SCAPER: variants seen among roughly 807,000 people sequenced by gnomAD.
SCAPER encodes S phase cyclin A-associated protein in the endoplasmic reticulum.
A neutral mutation model predicts 182.2 loss-of-function variants in SCAPER; 98 were observed. That is an observed-to-expected ratio of 0.54 (90% CI 0.46 to 0.64). The LOEUF (loss-of-function observed/expected upper bound fraction) is 0.64, where lower values mean the gene tolerates loss of function less well. SCAPER is among the 30% of genes least tolerant of loss of function. The pLI, the probability that SCAPER is intolerant of heterozygous loss-of-function variation, is 0.00. For missense variants in SCAPER, 1,432 were observed against 1,690.0 expected (o/e 0.85, Z 2.68); for synonymous variants, 605 against 564.6 (o/e 1.07, Z -1.01).
chr15:76,518,899 C>T (rs2042640438), intron 23 of SCAPER, among the ~76,000 whole-genome samples: 1 of 152,168 alleles, frequency 6.6e-6, no homozygotes, highest in African/African-American at 2.4e-5. Flanking sequence ...CTTGATTTTG[C>T]TAAAGCAAAT....
At chr15:76,865,764 T>G (rs16968551) in intron 2 of SCAPER, among the ~76,000 whole-genome samples, 1,807 of 152,318 alleles carry the variant, frequency 0.012, 24 homozygotes, top group African/African-American at 0.04. Flanking sequence ...TTCTCTGTGA[T>G]GAGAGTCTAA....
chr15:76,719,737 C>A (rs1050573292), intron 17 of SCAPER, among the ~76,000 whole-genome samples: 9 of 151,622 alleles, frequency 5.9e-5, no homozygotes, highest in South Asian at 2.1e-4. Flanking sequence ...ATTGTGGAAC[C>A]CATTCCTTAT....
At chr15:76,350,386 G>GTGTGTT in intron 31 of SCAPER, 1 of 151,482 alleles carries the variant, frequency 6.6e-6, no homozygotes, top group African/African-American at 2.4e-5. Context: ...GTGTGTGTGT[G>GTGTGTT]TGTGTGTGTG....
At chr15:76,491,922 G>A (rs993286160) in intron 24 of SCAPER, among the ~76,000 whole-genome samples, 12 of 152,140 alleles carry the variant, frequency 7.9e-5, no homozygotes, top group Middle Eastern at 3.2e-3. Flanking sequence ...GTTAGCCACC[G>A]TGCCTGGCTT....
chr15:76,896,081 A>C (rs1263370902), intron 1 of SCAPER, among the ~76,000 whole-genome samples: 1 of 151,562 alleles, frequency 6.6e-6, no homozygotes, highest in Non-Finnish European at 1.5e-5. Context: ...CATAAAAGAC[A>C]ATAAAAGGCT....
At chr15:76,590,573 CTA>C (rs2049031494) in intron 22 of SCAPER, among the ~76,000 whole-genome samples, 2 of 152,036 alleles carry the variant, frequency 1.3e-5, no homozygotes, top group Admixed American at 1.3e-4. Context: ...AAGGGAATGC[CTA>C]TATAATGTTG....
At chr15:76,654,663 C>T (rs1165257800) in intron 21 of SCAPER, among the ~76,000 whole-genome samples, 1 of 152,170 alleles carries the variant, frequency 6.6e-6, no homozygotes, top group African/African-American at 2.4e-5. Context: ...AAGACATTTG[C>T]AGAAATCTGG....
intron 21 of SCAPER, among the ~76,000 whole-genome samples, chr15:76,655,058 A>C (rs1020776868): frequency 2.0e-5 from 3 of 152,238 alleles, no homozygotes; most frequent in African/African-American, 7.2e-5. Context: ...AACCAGGCTG[A>C]AATGACAGAC....
At chr15:76,431,676 C>CAATAAAAAAAAAAAAA (rs2046868738) in intron 26 of SCAPER, among the ~76,000 whole-genome samples, 1 of 47,128 alleles carries the variant, frequency 2.1e-5, no homozygotes, top group African/African-American at 9.8e-5. Context: ...AAATGATTAG[C>CAATAAAAAAAAAAAAA]AAAAAAAAAA....
chr15:76,403,117 G>A (rs1470455967), intron 27 of SCAPER, among the ~76,000 whole-genome samples: 1 of 152,236 alleles, frequency 6.6e-6, no homozygotes, highest in East Asian at 1.9e-4. Flanking sequence ...GAGAGGGTCA[G>A]CACAGGTCTC....
At chr15:76,466,419 CTTTTTTT>C in intron 25 of SCAPER, among the ~76,000 whole-genome samples, 3,708 of 37,588 alleles carry the variant, frequency 0.099, 167 homozygotes, top group African/African-American at 0.23. Context: ...GTTGGTTCTT[CTTTTTTT>C]TTTTTTTTTT....
At chr15:76,799,834 C>T (rs527320784) in intron 7 of SCAPER, among the ~76,000 whole-genome samples, 2 of 152,252 alleles carry the variant, frequency 1.3e-5, no homozygotes, top group African/African-American at 2.4e-5. Context: ...ATGGAGCTCA[C>T]ACAAATGAAA....
chr15:76,501,466 G>C lies in SCAPER; in HGVS notation c.2954+3393C>G, dbSNP rs974153463. Among the ~76,000 whole-genome samples the C allele has an allele frequency of 2.6e-5, 4 of 152,086 alleles. No homozygotes were observed. The East Asian group carries it at 7.7e-4, about 29-fold the overall frequency. ...ATGTGAAGTAAAAAGATATGAACAG[G>C]ATGGTAAGAAAAGAGGACAGGAAGC... On this transcript the variant is annotated intron_variant, in intron 24 of 31. Coordinates refer to ENST00000563290, the MANE Select transcript of SCAPER (RefSeq NM_020843.4).
intron 27 of SCAPER, among the ~76,000 whole-genome samples, chr15:76,382,420 G>C (rs2043011140): frequency 6.9e-6 from 1 of 145,328 alleles, no homozygotes; most frequent in Admixed American, 7.0e-5. Flanking sequence ...AAAAAAAGTA[G>C]AACCACTCAA....
intron 26 of SCAPER, among the ~76,000 whole-genome samples, chr15:76,431,067 A>C (rs572692678): frequency 2.7e-4 from 39 of 142,256 alleles, no homozygotes; most frequent in African/African-American, 9.1e-4. Flanking sequence ...CCCATGCAAC[A>C]CATGACTTAC....
intron 20 of SCAPER, among the ~76,000 whole-genome samples, chr15:76,673,952 TACACACAC>T (rs71447120): frequency 1.3e-3 from 183 of 146,374 alleles, no homozygotes; most frequent in East Asian, 3.2e-3. Context: ...AATTTATCTA[TACACACAC>T]ACACACACAC....
intron 5 of SCAPER, among the ~76,000 whole-genome samples, chr15:76,822,229 T>C (rs1168162461): frequency 6.6e-6 from 1 of 152,146 alleles, no homozygotes; most frequent in Non-Finnish European, 1.5e-5. Flanking sequence ...TGTATGATAT[T>C]GATAATGGAG....
intron 5 of SCAPER, among the ~76,000 whole-genome samples, chr15:76,806,165 T>C (rs62029178): frequency 0.076 from 11,611 of 152,276 alleles, 502 homozygotes; most frequent in Middle Eastern, 0.11. Context: ...AAGAGTGTTA[T>C]ACTTTCAGCT....
intron 25 of SCAPER, among the ~76,000 whole-genome samples, chr15:76,435,846 C>T (rs1044798140): frequency 1.3e-5 from 2 of 152,158 alleles, no homozygotes; most frequent in Non-Finnish European, 2.9e-5. Context: ...TCTCTAATTC[C>T]TAATACTTCA....
Sources: allele counts gnomAD v4.1 joint callset (sites outside exome capture counted in the v4.1 genomes callset), GRCh38; gene constraint gnomAD v4.1.1; transcripts MANE v1.5; gene names NCBI Gene and HGNC (gene_info 2026-07-23, HGNC 2026-07-21).